Variants in CNTN4 observed in about 807,000 individuals in gnomAD.
The protein encoded by CNTN4 is contactin-4.
A neutral mutation model predicts 122.5 loss-of-function variants in CNTN4; 77 were observed. That is an observed-to-expected ratio of 0.63 (90% CI 0.52 to 0.76). The LOEUF (loss-of-function observed/expected upper bound fraction) is 0.76. Among genes scored for constraint, CNTN4 ranks in the 30% least tolerant of loss-of-function variants. The pLI is 0.00. For synonymous variants in CNTN4, 512 were observed against 447.0 expected, an observed-to-expected ratio of 1.15 and a Z score of -1.83; for missense variants, 1,256 against 1,259.1, an observed-to-expected ratio of 1.00 and a Z score of 0.04.
At chr3:2,243,182 C>A (rs2040008979) in intron 2 of CNTN4, among the ~76,000 whole-genome samples, 2 of 152,142 alleles carry the variant, frequency 1.3e-5, no homozygotes. Context: ...GCATAACTTT[C>A]TTTTGAGACC....
intron 2 of CNTN4, among the ~76,000 whole-genome samples, chr3:2,303,320 G>T (rs2042590886): frequency 1.3e-5 from 2 of 151,964 alleles, no homozygotes; most frequent in Admixed American, 1.3e-4. Flanking sequence ...ATCAATTTTA[G>T]AATGTTTTTA....
chr3:2,192,329 A>G, intron 2 of CNTN4, among the ~76,000 whole-genome samples: 1 of 152,054 alleles, frequency 6.6e-6, no homozygotes. Context: ...TGGTTGAACT[A>G]GTTTACAGTC....
At chr3:2,243,621 G>A (rs2040025258) in intron 2 of CNTN4, among the ~76,000 whole-genome samples, 1 of 152,010 alleles carries the variant, frequency 6.6e-6, no homozygotes, top group Admixed American at 6.6e-5. Flanking sequence ...GACACCCTTG[G>A]GTGAAAGCTT....
At chr3:2,696,955 A>G (rs1378609758) in intron 4 of CNTN4, among the ~76,000 whole-genome samples, 1 of 152,170 alleles carries the variant, frequency 6.6e-6, no homozygotes, top group African/African-American at 2.4e-5. Context: ...AAAGTATGTG[A>G]ATACTTAGGA....
intron 13 of CNTN4, among the ~76,000 whole-genome samples, chr3:2,939,906 G>T (rs1189184575): frequency 2.6e-5 from 4 of 152,174 alleles, no homozygotes; most frequent in African/African-American, 9.7e-5. Context: ...CACATTCATA[G>T]CTTGATGTTA....
intron 4 of CNTN4, among the ~76,000 whole-genome samples, chr3:2,705,015 A>G (rs1184064428): frequency 6.6e-6 from 1 of 152,034 alleles, no homozygotes; most frequent in Non-Finnish European, 1.5e-5. Context: ...AAATATATAT[A>G]GACAGACATA....
intron 3 of CNTN4, among the ~76,000 whole-genome samples, chr3:2,481,055 T>TTCTC (rs1553663019): frequency 6.3e-4 from 85 of 134,898 alleles, no homozygotes; most frequent in African/African-American, 2.3e-3. Context: ...CTTTCTTTCT[T>TTCTC]TCTTTCTCTC....
intron 2 of CNTN4, among the ~76,000 whole-genome samples, chr3:2,146,005 A>G (rs143210143): frequency 6.6e-6 from 1 of 150,470 alleles, no homozygotes; most frequent in African/African-American, 2.4e-5. Flanking sequence ...TAATACTTTT[A>G]TCTGAGAATT....
At chr3:2,480,146 A>C (rs981666119) in intron 3 of CNTN4, among the ~76,000 whole-genome samples, 1 of 151,758 alleles carries the variant, frequency 6.6e-6, no homozygotes, top group Admixed American at 6.6e-5. Context: ...TCTAAAAAAA[A>C]CCCTACAGTT....
chr3:2,231,010 G>A (rs1410085297), intron 2 of CNTN4, among the ~76,000 whole-genome samples: 1 of 151,704 alleles, frequency 6.6e-6, no homozygotes, highest in Non-Finnish European at 1.5e-5. Context: ...CAAAACAAAA[G>A]AAATATGATG....
intron 3 of CNTN4, among the ~76,000 whole-genome samples, chr3:2,472,195 TAAATC>T (rs1317957188): frequency 1.3e-5 from 2 of 151,720 alleles, no homozygotes; most frequent in Non-Finnish European, 2.9e-5. Flanking sequence ...CTCCACCTGA[TAAATC>T]AAAGACAAGT....
chr3:2,252,803 A>G (rs1244286356), intron 2 of CNTN4, among the ~76,000 whole-genome samples: 2 of 152,112 alleles, frequency 1.3e-5, no homozygotes, highest in East Asian at 3.8e-4. Flanking sequence ...TCTTTCTGAA[A>G]TCATCAATAT....
At chr3:3,021,127 G>GT (rs1463303487) in intron 14 of CNTN4, among the ~76,000 whole-genome samples, 1 of 152,130 alleles carries the variant, frequency 6.6e-6, no homozygotes, top group Non-Finnish European at 1.5e-5. Context: ...TTTAAGTGTA[G>GT]TTTTTTGCCT....
chr3:2,578,560 C>A (rs13090297), intron 4 of CNTN4, among the ~76,000 whole-genome samples: 4 of 152,128 alleles, frequency 2.6e-5, no homozygotes, highest in African/African-American at 9.7e-5. Flanking sequence ...ATTCACAATT[C>A]TACCCATGTA....
intron 4 of CNTN4, among the ~76,000 whole-genome samples, chr3:2,598,715 C>T (rs1378184205): frequency 6.6e-6 from 1 of 152,068 alleles, no homozygotes; most frequent in Non-Finnish European, 1.5e-5. Flanking sequence ...TAAAGGGCTG[C>T]CAGCAGCTAA....
intron 13 of CNTN4, among the ~76,000 whole-genome samples, chr3:2,941,014 A>G (rs2094610089): frequency 6.6e-6 from 1 of 152,216 alleles, no homozygotes; most frequent in Non-Finnish European, 1.5e-5. Context: ...AGGATGCATA[A>G]AATTGTTATA....
At chr3:2,534,672 G>A (rs1024065589) in intron 3 of CNTN4, among the ~76,000 whole-genome samples, 1 of 151,678 alleles carries the variant, frequency 6.6e-6, no homozygotes, top group African/African-American at 2.4e-5. Context: ...CCTTGGCCCT[G>A]TTTCATCTTT....
chr3:2,816,676 C>G (rs897922124), intron 6 of CNTN4, among the ~76,000 whole-genome samples: 2 of 151,572 alleles, frequency 1.3e-5, no homozygotes, highest in African/African-American at 4.8e-5. Flanking sequence ...CAAAAATTAG[C>G]TGGGCGTGGT....
Position 2,607,592 on chromosome 3 carries a change from G to T in CNTN4, c.55+36034G>T, listed in dbSNP as rs529079601. Among the ~76,000 whole-genome samples, 3 of 24,384 alleles carry T rather than the reference G, an allele frequency of 1.2e-4. No homozygotes were observed. In the East Asian group the frequency reaches 7.1e-3, roughly 58 times the overall value. 16.0% of individuals were successfully genotyped at this position (24,384 alleles called of 152,430 possible). On this transcript the variant is annotated intron_variant, in intron 4 of 24. Coordinates refer to ENST00000418658, the MANE Select transcript of CNTN4 (RefSeq NM_175607.3). ...TTTTAGAAATACCAAAATAATACGT[G>T]TGTATATACATATGCATCCACACAC...
Sources: gnomAD v4.1 joint callset for allele counts (sites outside exome capture counted in the v4.1 genomes callset) on GRCh38, gnomAD v4.1.1 for gene constraint, MANE v1.5 for transcripts, NCBI Gene and HGNC (gene_info 2026-07-23, HGNC 2026-07-21) for gene names.